ZFYVE26: variants seen among roughly 807,000 people sequenced by gnomAD.
ZFYVE26 encodes zinc finger FYVE domain-containing protein 26.
In ZFYVE26, 181 loss-of-function variants were observed where a neutral mutation model predicts 276.5. That is an observed-to-expected ratio of 0.65 (90% CI 0.58 to 0.74). ZFYVE26 has a LOEUF of 0.74. Among genes scored for constraint, ZFYVE26 ranks in the 30% least tolerant of loss-of-function variants. The probability of loss-of-function intolerance (pLI) is 0.00; values close to 1 mark genes in which losing one functional copy is unlikely to be tolerated. For synonymous variants in ZFYVE26, 1,129 were observed against 1,203.1 expected (o/e 0.94, Z 1.27); for missense variants, 2,821 against 3,097.9 (o/e 0.91, Z 2.12).
At chr14:67,798,988 G>A (rs1215477057) in intron 10 of ZFYVE26, 4 of 1,135,974 alleles carry the variant, frequency 3.5e-6, no homozygotes, top group Admixed American at 1.7e-5. Flanking sequence ...GGTGATTTAC[G>A]GATACTCTCT....
In ZFYVE26 at chr14:67,790,682, T is replaced by G; in HGVS notation, c.2645A>C (p.Gln882Pro). 6.2e-7 allele frequency: 1 copy of G among 1,614,236 alleles called. No homozygotes were observed. Among genetic ancestry groups the G allele is most frequent in the African/African-American group, 1.3e-5 (1 of 75,062 alleles). Residue 882 changes from glutamine to proline, a missense_variant, in exon 15 of 42, where the codon CAA becomes CCA. Coordinates refer to ENST00000347230, the MANE Select transcript of ZFYVE26 (RefSeq NM_015346.4). ...CTGGTTTTCAATCTTGTGCTCTACTTGGGCCAGTTCTTGGATCACTTCCTG... is the reference window on the plus strand; with the variant it reads ...CTGGTTTTCAATCTTGTGCTCTACTGGGGCCAGTTCTTGGATCACTTCCTG... ...RYQEVIQELA[Q>P]VEHKIENQNS...
intron 31 of ZFYVE26, among the ~76,000 whole-genome samples, chr14:67,766,764 A>G (rs2039070322): frequency 6.6e-6 from 1 of 151,986 alleles, no homozygotes; most frequent in Non-Finnish European, 1.5e-5. Flanking sequence ...CATTGGTGCG[A>G]TCTCGGCTCA....
intron 16 of ZFYVE26, 70 bp from the exon 17 acceptor site, chr14:67,786,303 G>A (rs1185784369): frequency 1.3e-6 from 2 of 1,522,078 alleles, no homozygotes; most frequent in African/African-American, 2.8e-5. Flanking sequence ...TTGACACTCA[G>A]TCCTGTATTT....
chr14:67,799,576 G>A (rs2040037847), intron 10 of ZFYVE26: 2 of 1,502,384 alleles, frequency 1.3e-6, no homozygotes, highest in African/African-American at 1.4e-5. Flanking sequence ...AAGGAGGAGG[G>A]AAAAAATCTG....
At chr14:67,806,810 G>A in intron 5 of ZFYVE26, 135 bp from the exon 6 acceptor site, 1 of 1,036,180 alleles carries the variant, frequency 9.7e-7, no homozygotes, top group South Asian at 1.4e-5. Context: ...CTTTATCTTA[G>A]GGTATCTTAA....
chr14:67,785,887 T>C lies in ZFYVE26; in HGVS notation c.3275A>G (p.Gln1092Arg), dbSNP rs757708735. The C allele has an allele frequency of 1.9e-6, 3 of 1,614,052 alleles. No homozygotes were observed. In the African/African-American group the frequency reaches 4.0e-5, roughly 22 times the overall value. The change falls in exon 18 of 42, where the codon CAG becomes CGG. Residue 1092 changes from glutamine to arginine, a missense_variant. Coordinates refer to ENST00000347230, the MANE Select transcript of ZFYVE26 (RefSeq NM_015346.4). ...TLSQQLDQVLQSLREALELPE... is the reference protein window; with the variant it reads ...TLSQQLDQVLRSLREALELPE... ...CAGCTCTAGTGCCTCTCTCAGTGAC[T>C]GAAGGACCTGATCTAGCTGCTGGGA...
In ZFYVE26 at chr14:67,781,301, C is replaced by T. The variant is rs199716767; in HGVS notation, c.4569+32G>A. The T allele has an allele frequency of 3.9e-4, 632 of 1,612,082 alleles. 3 individuals carry two copies. The highest frequency in any genetic ancestry group is 1.7e-3 in the Middle Eastern group (10 of 6,012). On this transcript the variant is annotated intron_variant, in intron 22 of 41. Transcript: ENST00000347230. ...GGGGTTGATCATAGAGTGAGAAGCC[C>T]GTTCCCTTTCTCTTGATGCGAGGGC...
intron 19 of ZFYVE26, 27 bp from the exon 20 acceptor site, chr14:67,784,463 G>C (rs755929698): frequency 3.1e-6 from 5 of 1,593,872 alleles, no homozygotes; most frequent in South Asian, 2.2e-5. Flanking sequence ...CATGATCTTT[G>C]TTTGCACCAC....
intron 13 of ZFYVE26, among the ~76,000 whole-genome samples, 183 bp from the exon 14 acceptor site, chr14:67,793,942 G>A (rs1240472245): frequency 1.3e-5 from 2 of 152,182 alleles, no homozygotes; most frequent in Non-Finnish European, 2.9e-5. Flanking sequence ...AATAGAAGAT[G>A]CTAAGTGCCA....
At chr14:67,780,174 A>T in intron 23 of ZFYVE26, 67 bp downstream of exon 23, 1 of 1,377,654 alleles carries the variant, frequency 7.3e-7, no homozygotes, top group East Asian at 2.4e-5. Context: ...AGGGGCTTAT[A>T]CAGCCAGCTA....
In ZFYVE26 at chr14:67,730,095, G is replaced by C. The variant is rs548928355; in HGVS notation, n.2680-276C>G. Among the ~76,000 whole-genome samples, 38 of 152,280 alleles carry C rather than the reference G, an allele frequency of 2.5e-4. 2 individuals carry two copies. Among genetic ancestry groups the C allele is most frequent in the African/African-American group, 9.1e-4 (38 of 41,560 alleles). On this transcript the variant is annotated intron_variant and non_coding_transcript_variant, in intron 13 of 14. Transcript: ENST00000394455. The stretch of plus-strand genomic sequence containing the variant: ...TTGCTTGAGTTTTTATAATGTGTTT[G>C]GTACTCAGTTCTGAGTGTGTAATGT...
Position 67,754,145 on chromosome 14 carries a change from T to C in ZFYVE26, c.7054A>G (p.Thr2352Ala), listed in dbSNP as rs2038717325. Residue 2352 changes from threonine to alanine, a missense_variant, in exon 38 of 42, where the codon ACC becomes GCC. Transcript: ENST00000347230. Reference protein sequence around the residue: ...RFLHRCESAGTSQITTLPLPT... With the variant: ...RFLHRCESAGASQITTLPLPT... The stretch of plus-strand genomic sequence containing the variant: ...AGAGGCAAAGTGGTGATTTGAGAGG[T>C]CCCAGCACTTTCGCACCGATGCAAG... 1.9e-6 allele frequency: 3 copies of C among 1,614,058 alleles called. No homozygotes were observed. The highest frequency in any genetic ancestry group is 1.6e-4 in the Middle Eastern group (1 of 6,084).
intron 12 of ZFYVE26, 36 bp downstream of exon 12, chr14:67,797,636 C>T: frequency 6.2e-7 from 1 of 1,609,100 alleles, no homozygotes; most frequent in Non-Finnish European, 8.5e-7. Flanking sequence ...CATTACACCA[C>T]TTGCCTAGTG....
At chr14:67,814,183 C>A in intron 2 of ZFYVE26, 119 bp from the exon 3 acceptor site, 2 of 783,968 alleles carry the variant, frequency 2.6e-6, no homozygotes, top group Admixed American at 2.1e-5. Flanking sequence ...CAAGACACTG[C>A]CCTAATGAGA....
At chr14:67,786,317 T>C (rs1242719170) in intron 16 of ZFYVE26, 84 bp from the exon 17 acceptor site, 3 of 1,486,882 alleles carry the variant, frequency 2.0e-6, no homozygotes, top group Non-Finnish European at 2.7e-6. Flanking sequence ...TGTATTTACC[T>C]GTGAAATTTT....
At chr14:67,759,622 C>CAAAAAAAAAAAAAAAAAAA (rs10687512) in intron 35 of ZFYVE26, among the ~76,000 whole-genome samples, 2 of 107,038 alleles carry the variant, frequency 1.9e-5, no homozygotes, top group African/African-American at 7.5e-5. Context: ...GACTCTGGCT[C>CAAAAAAAAAAAAAAAAAAA]AAAAAAAAAA....
intron 31 of ZFYVE26, among the ~76,000 whole-genome samples, chr14:67,767,425 C>T (rs1432992009): frequency 6.6e-6 from 1 of 151,998 alleles, no homozygotes; most frequent in African/African-American, 2.4e-5. Context: ...CATCCCCACT[C>T]TCCTCACGAC....
intron 22 of ZFYVE26, among the ~76,000 whole-genome samples, chr14:67,780,789 G>A (rs2039477752): frequency 6.6e-6 from 1 of 152,042 alleles, no homozygotes; most frequent in Non-Finnish European, 1.5e-5. Flanking sequence ...CACTACCCCT[G>A]GTAGGGTTTC....
At chr14:67,788,078 C>T (rs936738065) in intron 16 of ZFYVE26, among the ~76,000 whole-genome samples, 3 of 139,426 alleles carry the variant, frequency 2.2e-5, no homozygotes, top group African/African-American at 7.6e-5. Context: ...GTGTTTTTGT[C>T]ACCAGTCCTC....
Sources: allele counts gnomAD v4.1 joint callset (sites outside exome capture counted in the v4.1 genomes callset), GRCh38; gene constraint gnomAD v4.1.1; transcripts MANE v1.5; gene names NCBI Gene and HGNC (gene_info 2026-07-23, HGNC 2026-07-21).